Variants in RAD54B observed in about 807,000 individuals in gnomAD.
RAD54B encodes the protein DNA repair and recombination protein RAD54B.
RAD54B carries 78 observed loss-of-function variants against 95.8 expected under a neutral mutation model. The observed-to-expected ratio is 0.81, with a 90% confidence interval of 0.68 to 0.98. RAD54B has a LOEUF of 0.98. RAD54B is among the 50% of genes least tolerant of loss of function. RAD54B has a pLI of 0.00. For missense variants in RAD54B, 957 were observed against 1,056.6 expected (o/e 0.91, Z 1.31); for synonymous variants, 328 against 354.9 (o/e 0.92, Z 0.85).
At chr8:94,402,913 T>C (rs1811296545) in intron 6 of RAD54B, among the ~76,000 whole-genome samples, 1 of 152,072 alleles carries the variant, frequency 6.6e-6, no homozygotes, top group Admixed American at 6.6e-5. Context: ...AAACAATATT[T>C]AGGAGGTTAA....
intron 3 of RAD54B, among the ~76,000 whole-genome samples, chr8:94,423,247 G>A (rs1461054930): frequency 6.6e-6 from 1 of 152,088 alleles, no homozygotes; most frequent in Non-Finnish European, 1.5e-5. Flanking sequence ...GCTGGGCATG[G>A]TGACAGGCGC....
intron 3 of RAD54B, among the ~76,000 whole-genome samples, chr8:94,440,011 C>G (rs1812362400): frequency 6.6e-6 from 1 of 152,146 alleles, no homozygotes; most frequent in Non-Finnish European, 1.5e-5. Flanking sequence ...GATGGCTTTG[C>G]ACGACCATTT....
At chr8:94,420,313 T>C (rs971549246) in intron 3 of RAD54B, among the ~76,000 whole-genome samples, 1 of 143,272 alleles carries the variant, frequency 7.0e-6, no homozygotes, top group African/African-American at 2.6e-5. Context: ...TGGAGTGCAG[T>C]GGTGTGATCT....
At chr8:94,392,001 C>T in intron 9 of RAD54B, 102 bp from the exon 10 acceptor site, 1 of 1,123,534 alleles carries the variant, frequency 8.9e-7, no homozygotes, top group South Asian at 1.6e-5. Context: ...CTCATTGCTT[C>T]CCAACAAATT....
chr8:94,400,118 T>C (rs1207904404), intron 7 of RAD54B, 120 bp downstream of exon 7: 3 of 848,570 alleles, frequency 3.5e-6, no homozygotes, highest in African/African-American at 3.4e-5. Context: ...AACCAAAATG[T>C]AAGCTAAAAC....
At chr8:94,455,806 C>T (rs1163872100) in intron 3 of RAD54B, among the ~76,000 whole-genome samples, 13 of 152,196 alleles carry the variant, frequency 8.5e-5, no homozygotes, top group South Asian at 2.1e-4. Flanking sequence ...TCCACCATCA[C>T]ATGGTCTTTT....
chr8:94,465,275 C>A (rs1325994427), intron 2 of RAD54B, among the ~76,000 whole-genome samples: 3 of 152,066 alleles, frequency 2.0e-5, no homozygotes, highest in African/African-American at 7.2e-5. Flanking sequence ...CAAACACATA[C>A]AGACCAAAAA....
intron 7 of RAD54B, among the ~76,000 whole-genome samples, 153 bp from the exon 8 acceptor site, chr8:94,399,774 T>A (rs771683487): frequency 5.3e-5 from 8 of 152,160 alleles, no homozygotes; most frequent in Non-Finnish European, 1.0e-4. Flanking sequence ...CAAAATACCA[T>A]AGATTGGGTG....
intron 4 of RAD54B, 92 bp from the exon 5 acceptor site, chr8:94,407,812 A>C: frequency 2.8e-6 from 3 of 1,062,610 alleles, no homozygotes; most frequent in Non-Finnish European, 4.0e-6. Context: ...CTTTGAATGT[A>C]AATAGTCTTA....
chr8:94,395,034 C>T (rs1811110797), intron 8 of RAD54B, among the ~76,000 whole-genome samples: 1 of 152,026 alleles, frequency 6.6e-6, no homozygotes, highest in African/African-American at 2.4e-5. Flanking sequence ...TCAGTTAAGC[C>T]TCTAAAAGAA....
intron 3 of RAD54B, among the ~76,000 whole-genome samples, chr8:94,437,153 T>G (rs1208690941): frequency 6.6e-6 from 1 of 152,220 alleles, no homozygotes; most frequent in Non-Finnish European, 1.5e-5. Flanking sequence ...AGACAGGATT[T>G]AATACACAAA....
chr8:94,431,374 G>C, intron 3 of RAD54B: 4 of 984,348 alleles, frequency 4.1e-6, no homozygotes, highest in Non-Finnish European at 4.8e-6. Context: ...GAGAATGGGG[G>C]TAATTGATGT....
At chr8:94,429,022 AG>A (rs1366284927) in intron 3 of RAD54B, 29 of 983,606 alleles carry the variant, frequency 2.9e-5, no homozygotes, top group Non-Finnish European at 3.5e-5. Flanking sequence ...GTAGACAATG[AG>A]GAGAATTATA....
chr8:94,470,882 C>G (rs1813154676), intron 1 of RAD54B, among the ~76,000 whole-genome samples: 1 of 152,164 alleles, frequency 6.6e-6, no homozygotes, highest in South Asian at 2.1e-4. Flanking sequence ...CAACAGAACA[C>G]TCTCTTCATA....
intron 3 of RAD54B, among the ~76,000 whole-genome samples, chr8:94,433,391 G>C (rs551711872): frequency 5.9e-5 from 9 of 152,054 alleles, no homozygotes; most frequent in African/African-American, 2.2e-4. Flanking sequence ...TCAGTACCTA[G>C]CAGGTACTGT....
rs1810466364 is a variant in RAD54B at position 94,372,522 on chromosome 8, C to A, written c.2516-135G>T. On this transcript the variant is annotated intron_variant, in intron 14 of 14. Transcript: ENST00000336148. ...ACCATGGTTCAAGTTAAAACAAATT[C>A]ATTCTTTTTACAAACATTTATAAGT... 2.8e-6 allele frequency: 4 copies of A among 1,420,756 alleles called. No homozygotes were observed. The East Asian group carries it at 7.5e-5, about 27-fold the overall frequency. The allele number at this position is 1,420,756 out of a possible 1,614,324, so 88.0% of individuals were successfully genotyped here.
intron 3 of RAD54B, among the ~76,000 whole-genome samples, chr8:94,434,534 T>A (rs767997926): frequency 6.6e-6 from 1 of 151,922 alleles, no homozygotes; most frequent in Non-Finnish European, 1.5e-5. Context: ...TTTTTAAGTA[T>A]GTTAACGCAA....
intron 1 of RAD54B, among the ~76,000 whole-genome samples, chr8:94,473,806 G>C (rs1425659322): frequency 2.0e-5 from 3 of 152,178 alleles, no homozygotes; most frequent in Non-Finnish European, 4.4e-5. Context: ...ACTACATTAG[G>C]TAGTAATTAT....
At chr8:94,463,405 C>A (rs1812950761) in intron 2 of RAD54B, among the ~76,000 whole-genome samples, 1 of 151,808 alleles carries the variant, frequency 6.6e-6, no homozygotes, top group South Asian at 2.1e-4. Context: ...ACTAGTATGG[C>A]CACAATCAAA....
Sources: allele counts gnomAD v4.1 joint callset (sites outside exome capture counted in the v4.1 genomes callset), GRCh38; gene constraint gnomAD v4.1.1; transcripts MANE v1.5; gene names NCBI Gene and HGNC (gene_info 2026-07-23, HGNC 2026-07-21).